CCDC158: variants seen among roughly 807,000 people sequenced by gnomAD.
CCDC158 encodes the protein coiled-coil domain containing 158.
A neutral mutation model predicts 138.6 loss-of-function variants in CCDC158; 116 were observed. The ratio of observed to expected loss-of-function variants is 0.84; its 90% CI spans 0.72 to 0.98. The LOEUF is 0.98. Among genes scored for constraint, CCDC158 ranks in the 50% least tolerant of loss-of-function variants. The pLI, the probability that CCDC158 is intolerant of heterozygous loss-of-function variation, is 0.00. For missense variants in CCDC158, 1,265 were observed against 1,306.1 expected (o/e 0.97, Z 0.48); for synonymous variants, 436 against 442.4 (o/e 0.99, Z 0.18).
At chr4:76,387,137 G>A (rs762009530) in intron 4 of CCDC158, among the ~76,000 whole-genome samples, 6 of 152,110 alleles carry the variant, frequency 3.9e-5, no homozygotes, top group African/African-American at 1.2e-4. Flanking sequence ...AACCCCAGAC[G>A]GTGTAGCTTG....
chr4:76,413,337 T>C (rs1729441487), intron 1 of CCDC158, among the ~76,000 whole-genome samples: 1 of 151,710 alleles, frequency 6.6e-6, no homozygotes, highest in Non-Finnish European at 1.5e-5. Context: ...TAGCTGGGTA[T>C]GGTGGTCCAT....
intron 9 of CCDC158, among the ~76,000 whole-genome samples, chr4:76,373,188 G>A (rs1725408007): frequency 6.6e-6 from 1 of 152,196 alleles, no homozygotes; most frequent in Non-Finnish European, 1.5e-5. Context: ...TATGCTAAGA[G>A]GCTAGGATCT....
intron 14 of CCDC158, among the ~76,000 whole-genome samples, chr4:76,355,766 T>C (rs1250490190): frequency 1.3e-5 from 2 of 150,616 alleles, no homozygotes; most frequent in African/African-American, 2.4e-5. Context: ...TACTTACCCA[T>C]GTAGGGAAAT....
At chr4:76,368,361 A>G (rs1724897038) in intron 11 of CCDC158, among the ~76,000 whole-genome samples, 1 of 152,160 alleles carries the variant, frequency 6.6e-6, no homozygotes, top group Non-Finnish European at 1.5e-5. Context: ...ACACACATTC[A>G]TATTCTCTGA....
chr4:76,333,984 C>T (rs751077290), intron 19 of CCDC158, 26 bp downstream of exon 19: 2 of 1,515,348 alleles, frequency 1.3e-6, no homozygotes, highest in East Asian at 4.6e-5. Flanking sequence ...GATGAGCTTT[C>T]CCATTCTGTG....
intron 23 of CCDC158, 148 bp from the exon 24 acceptor site, chr4:76,323,557 G>T: frequency 1.8e-6 from 1 of 563,388 alleles, no homozygotes; most frequent in Non-Finnish European, 3.1e-6. Flanking sequence ...ACACTTAAAG[G>T]AAACTCTAAA....
chr4:76,366,854 C>A (rs1284215592), intron 12 of CCDC158, among the ~76,000 whole-genome samples: 4 of 152,100 alleles, frequency 2.6e-5, no homozygotes, highest in African/African-American at 9.7e-5. Context: ...ATTTAAGCCT[C>A]ACAGTAACCC....
At chr4:76,419,209 TA>T (rs1207031308) in intron 1 of CCDC158, among the ~76,000 whole-genome samples, 2 of 152,208 alleles carry the variant, frequency 1.3e-5, no homozygotes, top group Non-Finnish European at 2.9e-5. Flanking sequence ...ATGCACCACT[TA>T]AATTTCTTTT....
chr4:76,330,865 A>C (rs544168913), intron 21 of CCDC158, among the ~76,000 whole-genome samples: 10 of 152,314 alleles, frequency 6.6e-5, no homozygotes, highest in African/African-American at 2.4e-4. Context: ...ACCAAGGGAC[A>C]ACTGTGTTTA....
chr4:76,337,556 C>T (rs1187872565), intron 18 of CCDC158, among the ~76,000 whole-genome samples: 4 of 152,068 alleles, frequency 2.6e-5, no homozygotes, highest in Non-Finnish European at 1.5e-5. Flanking sequence ...CATGGTGAAA[C>T]CCCGTCTTTA....
intron 2 of CCDC158, among the ~76,000 whole-genome samples, chr4:76,406,746 G>A (rs896256230): frequency 1.3e-5 from 2 of 151,964 alleles, no homozygotes; most frequent in African/African-American, 4.8e-5. Flanking sequence ...TGTGATAAGG[G>A]AAACACAAGC....
intron 23 of CCDC158, among the ~76,000 whole-genome samples, chr4:76,323,650 T>C (rs777210200): frequency 6.6e-6 from 1 of 152,216 alleles, no homozygotes; most frequent in Non-Finnish European, 1.5e-5. Flanking sequence ...ACCAATCCGA[T>C]GTATCATTAT....
At chr4:76,337,186 T>C (rs1721597656) in intron 18 of CCDC158, among the ~76,000 whole-genome samples, 1 of 152,080 alleles carries the variant, frequency 6.6e-6, no homozygotes, top group African/African-American at 2.4e-5. Context: ...GATGGGGTTT[T>C]GCCATGTTGG....
chr4:76,331,258 A>T, intron 21 of CCDC158, 86 bp downstream of exon 21: 1 of 1,183,522 alleles, frequency 8.4e-7, no homozygotes, highest in Non-Finnish European at 1.3e-6. Context: ...AGTGCATGGC[A>T]CATTACAGAC....
chr4:76,412,427 A>G (rs373822678), intron 1 of CCDC158, among the ~76,000 whole-genome samples: 177 of 152,310 alleles, frequency 1.2e-3, no homozygotes, highest in African/African-American at 4.2e-3. Flanking sequence ...AGCCTAGGCC[A>G]CATAGTAAGA....
intron 13 of CCDC158, among the ~76,000 whole-genome samples, chr4:76,359,564 T>C (rs1455317923): frequency 6.6e-6 from 1 of 152,212 alleles, no homozygotes; most frequent in Admixed American, 6.5e-5. Flanking sequence ...GTAAAGATCA[T>C]TCTTGCTATG....
Position 76,331,346 on chromosome 4 carries a change from A to G in CCDC158, c.2940T>C (p.Ser980=), listed in dbSNP as rs1720989970. The G allele has an allele frequency of 1.2e-6, 2 of 1,613,546 alleles. No individual in the cohort carries two copies. The highest frequency in any genetic ancestry group is 1.3e-5 in the African/African-American group (1 of 74,934). The change falls in exon 21 of 25, where the codon AGT becomes AGC. Residue 980 remains serine, a splice_region_variant and synonymous_variant. Coordinates refer to ENST00000682701, the MANE Select transcript of CCDC158 (RefSeq NM_001394954.1). ...AAATGGGGGCTGGTATTTCCTACCT[A>G]CTAAGAGTTTCACTTGATTTGCTTC... ...TEGSKSSETL[S]REPVTLHAGD...
intron 3 of CCDC158, among the ~76,000 whole-genome samples, chr4:76,399,536 C>T (rs1170266162): frequency 1.3e-5 from 2 of 152,002 alleles, no homozygotes. Flanking sequence ...GGGAATCTGG[C>T]TACATTGGCC....
intron 24 of CCDC158, among the ~76,000 whole-genome samples, chr4:76,319,067 T>C (rs1177124165): frequency 6.6e-6 from 1 of 151,918 alleles, no homozygotes; most frequent in Non-Finnish European, 1.5e-5. Flanking sequence ...GGTCAGGAGA[T>C]GAAGACCATC....
Sources: gnomAD v4.1 joint callset for allele counts (sites outside exome capture counted in the v4.1 genomes callset) on GRCh38, gnomAD v4.1.1 for gene constraint, MANE v1.5 for transcripts, NCBI Gene and HGNC (gene_info 2026-07-23, HGNC 2026-07-21) for gene names.